The following DEAF1 variants were observed in gnomAD, a reference collection of about 807,000 sequenced individuals.
DEAF1 encodes the protein deformed epidermal autoregulatory factor 1 homolog.
A neutral mutation model predicts 58.9 loss-of-function variants in DEAF1; 53 were observed. That is an observed-to-expected ratio of 0.90 (90% CI 0.72 to 1.13). The LOEUF is 1.13. Among genes scored for constraint, DEAF1 ranks in the 50% most tolerant of loss-of-function variants. The pLI is 0.00. For synonymous variants in DEAF1, 385 were observed against 340.4 expected (o/e 1.13, Z -1.44); for missense variants, 685 against 791.4 (o/e 0.87, Z 1.61).
In DEAF1 at chr11:694,857, G is replaced by T; in HGVS notation, c.191C>A (p.Thr64Lys). The change falls in exon 1 of 12, where the codon ACG becomes AAG. Residue 64 changes from threonine to lysine, a missense_variant. By Grantham distance (78) the Thr-to-Lys change is moderately conservative. Around this residue, in one of 3 missense-constraint regions of DEAF1, gnomAD observed 210 missense variants for 177.3 expected, o/e 1.18. Coordinates refer to ENST00000382409, the MANE Select transcript of DEAF1 (RefSeq NM_021008.4). ...CTCCGCCGCCATCACCGCCACTGCC[G>T]TGACCCGCGGCGTCTCCCGCTCCGC... ...SEAERETPRV[T>K]AVAVMAAEPG... 3 of 1,496,926 alleles carry T rather than the reference G, an allele frequency of 2.0e-6. No individual in the cohort carries two copies. Among genetic ancestry groups the T allele is most frequent in the South Asian group, 1.3e-5 (1 of 79,052 alleles). The allele number at this position is 1,496,926 out of a possible 1,614,324, so 92.7% of individuals were successfully genotyped here.
upstream of DEAF1, chr11:695,808 C>T: frequency 3.2e-6 from 4 of 1,232,810 alleles, no homozygotes; most frequent in Non-Finnish European, 4.1e-6. Context: ...CGCGACGGAC[C>T]GGCGGGCGGG....
rs774959342 is a variant in DEAF1, at chr11:694,961, GGCC to G, written c.84_86del (p.Ala33del). ...CCGCCTCGCCTCCTGCCGCGGCCGCGGCCGCCGCCGCCACAGCGGCCGCGGCCG... is the reference window on the plus strand; with the variant it reads ...CCGCCTCGCCTCCTGCCGCGGCCGCGGCCGCCGCCACAGCGGCCGCGGCCG... On this transcript the variant is annotated inframe_deletion, in exon 1 of 12. Coordinates refer to ENST00000382409, the MANE Select transcript of DEAF1 (RefSeq NM_021008.4). 2 of 1,157,426 alleles carry G rather than the reference GGCC, an allele frequency of 1.7e-6. No individual in the cohort carries two copies. Among genetic ancestry groups the G allele is most frequent in the South Asian group, 3.3e-5 (1 of 30,404 alleles). 71.7% of individuals were successfully genotyped at this position (1,157,426 alleles called of 1,614,324 possible).
chr11:662,544 G>A (rs1004226777), intron 10 of DEAF1, among the ~76,000 whole-genome samples: 4 of 151,938 alleles, frequency 2.6e-5, no homozygotes, highest in South Asian at 2.1e-4. Context: ...CAGCCCAGGC[G>A]CCCCCCAGGC....
At chr11:676,043 CCCGACAACCCCCAGCAT>C (rs1268447716) in intron 9 of DEAF1, among the ~76,000 whole-genome samples, 8 of 53,860 alleles carry the variant, frequency 1.5e-4, no homozygotes, top group African/African-American at 5.1e-4. Context: ...CCCCCCAGCA[CCCGACAACCCCCAGCAT>C]CCGACACCCC....
At position 688,219 on chromosome 11, in the gene DEAF1, AT is replaced by A; in HGVS notation, c.517+111del. 1 of 1,515,496 alleles carries A rather than the reference AT, an allele frequency of 6.6e-7. No individual in the cohort carries two copies. Among genetic ancestry groups the A allele is most frequent in the Non-Finnish European group, 8.9e-7 (1 of 1,119,428 alleles). 93.9% of individuals were successfully genotyped at this position (1,515,496 alleles called of 1,614,324 possible). A position where few individuals can be genotyped will look rare whatever the true frequency, so the allele number is the denominator to read the frequency against. ...GCTTTTACTTAAAATCTATTAATAG[AT>A]GATATTCCAAATTTACCACAAAAAG... is the stretch of plus-strand genomic sequence containing the variant. On this transcript the variant is annotated intron_variant, in intron 3 of 11. Coordinates refer to ENST00000382409, the MANE Select transcript of DEAF1 (RefSeq NM_021008.4). This position sits in a 1 kb window ranked among gnomAD's most constrained non-coding sequence, Gnocchi z 4.3.
upstream of DEAF1, among the ~76,000 whole-genome samples, chr11:696,702 G>T (rs964442806): frequency 1.3e-5 from 1 of 75,718 alleles, no homozygotes; most frequent in Non-Finnish European, 2.9e-5. Context: ...GGAGGTCGAG[G>T]TTGCAGTGAG....
intron 1 of DEAF1, among the ~76,000 whole-genome samples, chr11:705,687 G>A (rs983053998): frequency 2.6e-5 from 4 of 152,154 alleles, no homozygotes; most frequent in African/African-American, 9.7e-5. Context: ...GGCCTGCGGT[G>A]GGCCCGGTAA....
chr11:694,711 T>A (rs1002722573), intron 1 of DEAF1, 48 bp downstream of exon 1: 1 of 1,269,282 alleles, frequency 7.9e-7, no homozygotes, highest in East Asian at 3.3e-5. Context: ...GCGCGCGGGG[T>A]AGGCGCGCGG....
intron 10 of DEAF1, among the ~76,000 whole-genome samples, chr11:657,116 G>A (rs1291223997): frequency 1.5e-5 from 2 of 129,456 alleles, no homozygotes; most frequent in Admixed American, 2.0e-4. Flanking sequence ...GGACCCACCT[G>A]GCACCCACCT....
In DEAF1 at chr11:644,896, C is replaced by G. The variant is rs913084717; in HGVS notation, c.1594-242G>C. On this transcript the variant is annotated intron_variant, in intron 11 of 11. Coordinates refer to ENST00000382409, the MANE Select transcript of DEAF1 (RefSeq NM_021008.4). The surrounding 1 kb of genome is among the most constrained non-coding windows in gnomAD (Gnocchi z 4.3). ...GCAAACAACAGGCAGGGCACGGTGGCTCACGCCTGTAATCCCAACACTTTG... is the reference window on the plus strand; with the variant it reads ...GCAAACAACAGGCAGGGCACGGTGGGTCACGCCTGTAATCCCAACACTTTG... 1.3e-4 allele frequency among the ~76,000 whole-genome samples: 20 copies of G among 152,206 alleles called. No individual in the cohort carries two copies. Among genetic ancestry groups the G allele is most frequent in the African/African-American group, 4.8e-4 (20 of 41,442 alleles).
chr11:654,115 G>GAC, intron 10 of DEAF1, 64 bp from the exon 11 acceptor site: 1 of 1,411,874 alleles, frequency 7.1e-7, no homozygotes. Context: ...AGACACCGGG[G>GAC]ACAGAGGCAG....
chr11:659,424 C>T (rs1859212767), intron 10 of DEAF1, among the ~76,000 whole-genome samples: 2 of 152,104 alleles, frequency 1.3e-5, no homozygotes, highest in Middle Eastern at 3.4e-3. Context: ...AAAAAGAAAA[C>T]CTAGACACAC....
At chr11:673,756 C>T (rs1020135126) in intron 10 of DEAF1, among the ~76,000 whole-genome samples, 17 of 152,122 alleles carry the variant, frequency 1.1e-4, no homozygotes, top group African/African-American at 4.1e-4. Flanking sequence ...TTCTCGTCCC[C>T]GTGCCCTGTG....
intron 1 of DEAF1, among the ~76,000 whole-genome samples, chr11:702,441 C>T (rs1410583519): frequency 3.3e-5 from 5 of 152,252 alleles, no homozygotes; most frequent in East Asian, 3.8e-4. Flanking sequence ...CCAAGCGCGC[C>T]GCACACTGCA....
intron 2 of DEAF1, among the ~76,000 whole-genome samples, chr11:691,178 G>A (rs1476806306): frequency 6.6e-6 from 1 of 152,256 alleles, no homozygotes; most frequent in Non-Finnish European, 1.5e-5. Flanking sequence ...AAGGAGCACA[G>A]GCAGGGCCGG....
At chr11:703,853 G>C (rs1861609402) in intron 1 of DEAF1, 10 of 1,236,694 alleles carry the variant, frequency 8.1e-6, no homozygotes, top group Non-Finnish European at 8.1e-6. Flanking sequence ...GCAGGAGAGA[G>C]AGCAGCGGAG....
chr11:670,775 TTG>T (rs144736752), intron 10 of DEAF1, among the ~76,000 whole-genome samples: 85,204 of 130,014 alleles, frequency 0.66, 27,300 homozygotes, highest in East Asian at 0.85. Context: ...CTTTTTGTTT[TTG>T]TTTTTTTTTT....
rs1264545282 is a variant in DEAF1, at chr11:695,207, G to A, written c.-160C>T. On this transcript the variant is annotated 5_prime_UTR_variant, in exon 1 of 12. Coordinates refer to ENST00000382409, the MANE Select transcript of DEAF1 (RefSeq NM_021008.4). The stretch of plus-strand genomic sequence containing the variant: ...CGAAAAGGCAGCCAGCCGCCGAGCA[G>A]AGCCGAGCCGAGTCCGCCCGCGGAG... 4 of 614,426 alleles carry A rather than the reference G, an allele frequency of 6.5e-6. No homozygotes were observed. In the East Asian group the frequency reaches 1.2e-4, roughly 18 times the overall value. 38.1% of individuals were successfully genotyped at this position (614,426 alleles called of 1,614,324 possible).
At chr11:700,797 G>GT in intron 1 of DEAF1, 1 of 1,240,480 alleles carries the variant, frequency 8.1e-7, no homozygotes, top group Non-Finnish European at 1.2e-6. Context: ...TTATAGTGTG[G>GT]TTCTCAGAGA....
Sources: gnomAD v4.1 joint callset for allele counts (sites outside exome capture counted in the v4.1 genomes callset) on GRCh38, gnomAD v4.1.1 for gene constraint, gnomAD v4.1.1 regional missense constraint, Gnocchi (gnomAD v3.1) non-coding constraint, MANE v1.5 for transcripts, NCBI Gene and HGNC (gene_info 2026-07-23, HGNC 2026-07-21) for gene names.